The following SPIDR variants were observed in gnomAD, a reference collection of about 807,000 sequenced individuals.
SPIDR encodes DNA repair-scaffolding protein.
A neutral mutation model predicts 104.6 loss-of-function variants in SPIDR; 93 were observed. The ratio of observed to expected loss-of-function variants is 0.89; its 90% confidence interval spans 0.75 to 1.06. The LOEUF is 1.06. Among genes scored for constraint, SPIDR ranks in the 50% least tolerant of loss-of-function variants. The pLI is 0.00. For missense variants in SPIDR, 1,154 were observed against 1,111.2 expected, an observed-to-expected ratio of 1.04 and a Z score of -0.55; for synonymous variants, 431 against 416.9, an observed-to-expected ratio of 1.03 and a Z score of -0.41.
intron 8 of SPIDR, among the ~76,000 whole-genome samples, chr8:47,498,247 T>A (rs1438183401): frequency 6.6e-6 from 1 of 152,160 alleles, no homozygotes; most frequent in East Asian, 1.9e-4. Context: ...TGTTGGCCAG[T>A]TGATCTAAAA....
chr8:47,485,721 G>A (rs1411338569), intron 8 of SPIDR, among the ~76,000 whole-genome samples: 10 of 152,294 alleles, frequency 6.6e-5, no homozygotes, highest in Middle Eastern at 3.4e-3. Context: ...TGCAGCCTCC[G>A]CTGCTGATAC....
At chr8:47,558,237 C>A (rs1399172159) in intron 8 of SPIDR, among the ~76,000 whole-genome samples, 1 of 152,044 alleles carries the variant, frequency 6.6e-6, no homozygotes, top group Non-Finnish European at 1.5e-5. Flanking sequence ...CAGTAGAAGC[C>A]CAAACATCAG....
intron 8 of SPIDR, among the ~76,000 whole-genome samples, chr8:47,448,216 A>G (rs1326774354): frequency 6.6e-6 from 1 of 152,172 alleles, no homozygotes; most frequent in Non-Finnish European, 1.5e-5. Context: ...TAAAACATTC[A>G]ATTCAAAAAT....
At chr8:47,316,440 G>A (rs1021907247) in intron 5 of SPIDR, among the ~76,000 whole-genome samples, 8 of 152,156 alleles carry the variant, frequency 5.3e-5, no homozygotes, top group African/African-American at 1.2e-4. Context: ...ATAATAGGCC[G>A]AAACTGGACA....
At chr8:47,292,804 CTATTG>C (rs2040156123) in intron 4 of SPIDR, among the ~76,000 whole-genome samples, 1 of 151,812 alleles carries the variant, frequency 6.6e-6, no homozygotes, top group Non-Finnish European at 1.5e-5. Flanking sequence ...GCTGTTTTCT[CTATTG>C]TATTTATTTT....
intron 7 of SPIDR, among the ~76,000 whole-genome samples, chr8:47,414,807 T>C (rs1455636190): frequency 6.6e-6 from 1 of 152,216 alleles, no homozygotes; most frequent in African/African-American, 2.4e-5. Context: ...AGTTTTTGAG[T>C]GAACATATGT....
At chr8:47,485,844 A>C (rs184763122) in intron 8 of SPIDR, among the ~76,000 whole-genome samples, 1 of 152,342 alleles carries the variant, frequency 6.6e-6, no homozygotes, top group South Asian at 2.1e-4. Flanking sequence ...CCAAAACCCC[A>C]TCTATACATC....
chr8:47,494,906 C>G (rs1262523705), intron 8 of SPIDR, among the ~76,000 whole-genome samples: 2 of 152,068 alleles, frequency 1.3e-5, no homozygotes, highest in Non-Finnish European at 2.9e-5. Flanking sequence ...GTAGGGTGTT[C>G]ATTTGCATGA....
At chr8:47,376,785 TA>T (rs1269627539) in intron 5 of SPIDR, among the ~76,000 whole-genome samples, 249 of 150,122 alleles carry the variant, frequency 1.7e-3, no homozygotes, top group Middle Eastern at 3.4e-3. Flanking sequence ...AGATTTTCCT[TA>T]AAAAAAAAAA....
chr8:47,313,777 A>T (rs782377795), intron 5 of SPIDR, among the ~76,000 whole-genome samples: 1 of 152,234 alleles, frequency 6.6e-6, no homozygotes, highest in Non-Finnish European at 1.5e-5. Flanking sequence ...CAACCATCTG[A>T]TCTTTGACAG....
intron 8 of SPIDR, among the ~76,000 whole-genome samples, chr8:47,549,275 G>A (rs957041891): frequency 6.6e-6 from 1 of 152,128 alleles, no homozygotes; most frequent in Non-Finnish European, 1.5e-5. Context: ...AATCCTTTGG[G>A]TATATACCCA....
intron 5 of SPIDR, among the ~76,000 whole-genome samples, chr8:47,295,326 A>G (rs903503025): frequency 4.6e-5 from 7 of 152,216 alleles, no homozygotes; most frequent in Non-Finnish European, 1.0e-4. Flanking sequence ...TTGCATGCCT[A>G]TAAATTTTAA....
At chr8:47,643,053 C>T (rs1029902252) in intron 10 of SPIDR, among the ~76,000 whole-genome samples, 1 of 152,136 alleles carries the variant, frequency 6.6e-6, no homozygotes, top group African/African-American at 2.4e-5. Flanking sequence ...TTAGTTGGTT[C>T]TACTTTGTTC....
Position 47,400,971 on chromosome 8 carries a change from A to G in SPIDR, c.776+4345A>G, listed in dbSNP as rs1214799914. Among the ~76,000 whole-genome samples, 5 of 152,292 alleles carry G rather than the reference A, an allele frequency of 3.3e-5. No homozygotes were observed. The East Asian group carries it at 7.7e-4, about 24-fold the overall frequency. ...GCGAGGCAGGCCAACATTCAAATTCAGGAAATACAGAGAATGCCACCAAGA... is the reference window on the plus strand; with the variant it reads ...GCGAGGCAGGCCAACATTCAAATTCGGGAAATACAGAGAATGCCACCAAGA... On this transcript the variant is annotated intron_variant, in intron 6 of 19. Coordinates refer to ENST00000297423, the MANE Select transcript of SPIDR (RefSeq NM_001080394.4).
At chr8:47,667,628 G>A (rs1428159896) in intron 10 of SPIDR, 2 of 151,998 alleles carry the variant, frequency 1.3e-5, no homozygotes, top group African/African-American at 4.8e-5. Context: ...GATTATAAAT[G>A]TGAGTAGAAA....
intron 8 of SPIDR, among the ~76,000 whole-genome samples, chr8:47,459,390 A>G (rs2073560174): frequency 1.3e-5 from 2 of 152,082 alleles, no homozygotes; most frequent in Admixed American, 1.3e-4. Flanking sequence ...GAATTTATTC[A>G]GCATCCTCTA....
intron 8 of SPIDR, among the ~76,000 whole-genome samples, chr8:47,574,621 A>T (rs543835041): frequency 2.2e-4 from 34 of 152,228 alleles, no homozygotes; most frequent in Admixed American, 5.9e-4. Context: ...AAAATAAAAA[A>T]AAATAAAAAC....
At chr8:47,357,841 T>TA (rs1554626790) in intron 5 of SPIDR, 1 of 984,710 alleles carries the variant, frequency 1.0e-6, no homozygotes, top group African/African-American at 1.7e-5. Context: ...TCATACATGT[T>TA]AATCGTCTAG....
rs868945379 is a variant in SPIDR at position 47,365,195 on chromosome 8, C to T, written c.526-31181C>T. Among the ~76,000 whole-genome samples the T allele has an allele frequency of 3.3e-5, 5 of 152,200 alleles. No individual in the cohort carries two copies. In the South Asian group the frequency reaches 1.0e-3, roughly 32 times the overall value. ...ATCTGTGGGTGAATCCGCCCTATTC[C>T]TGGACTTGCAGAGAGGGTCTCCCTG... is the stretch of plus-strand genomic sequence containing the variant. On this transcript the variant is annotated intron_variant, in intron 5 of 19. Coordinates refer to ENST00000297423, the MANE Select transcript of SPIDR (RefSeq NM_001080394.4).
Sources: allele counts gnomAD v4.1 joint callset (sites outside exome capture counted in the v4.1 genomes callset), GRCh38; gene constraint gnomAD v4.1.1; transcripts MANE v1.5; gene names NCBI Gene and HGNC (gene_info 2026-07-23, HGNC 2026-07-21).